LAMP1: variants seen among roughly 807,000 people sequenced by gnomAD.
LAMP1 encodes the protein lysosome associated membrane protein 1, also known as lysosome-associated membrane glycoprotein 1.
In LAMP1, 7 loss-of-function variants were observed where a neutral mutation model predicts 37.5. The observed-to-expected ratio is 0.19, with a 90% CI of 0.11 to 0.35. The LOEUF is 0.35. Among genes scored for constraint, LAMP1 ranks in the 10% least tolerant of loss-of-function variants. The pLI is 1.00. For synonymous variants in LAMP1, 236 were observed against 229.1 expected (o/e 1.03, Z -0.27); for missense variants, 537 against 552.8 (o/e 0.97, Z 0.29).
rs2042599876 is a variant in LAMP1, at chr13:113,306,618, C to T, written c.183+12C>T. 1.9e-6 allele frequency: 3 copies of T among 1,609,086 alleles called. No individual in the cohort carries two copies. Among genetic ancestry groups the T allele is most frequent in the Non-Finnish European group, 8.5e-7 (1 of 1,178,070 alleles). The stretch of plus-strand genomic sequence containing the variant: ...AGAGTGGCCCTAAGGTAGGAAACAC[C>T]AGGGCACTTCATGCTTCCCTTGTGT... On this transcript the variant is annotated intron_variant, in intron 2 of 8. Coordinates refer to ENST00000332556, the MANE Select transcript of LAMP1 (RefSeq NM_005561.4).
chr13:113,301,816 A>T (rs1485375209), intron 1 of LAMP1, among the ~76,000 whole-genome samples: 1 of 150,026 alleles, frequency 6.7e-6, no homozygotes, highest in African/African-American at 2.4e-5. Flanking sequence ...TAAAAATACC[A>T]TATTTAAAAG....
At position 113,315,247 on chromosome 13, in the gene LAMP1, A is replaced by G. The variant is rs1271675277; in HGVS notation, c.563-4222A>G. On this transcript the variant is annotated intron_variant, in intron 4 of 8. Transcript: ENST00000332556. ...GGCCTCCTGGAGGGAGCCAGTGCGG[A>G]GATGCCAGTGTGCCTGGGGCGGGGC... Among the ~76,000 whole-genome samples the G allele has an allele frequency of 2.7e-5, 4 of 147,876 alleles. No homozygotes were observed. The South Asian group carries it at 8.6e-4, about 32-fold the overall frequency.
Position 113,297,697 on chromosome 13 carries a change from G to C in LAMP1, c.61+202G>C, listed in dbSNP as rs2042550283. On this transcript the variant is annotated intron_variant, in intron 1 of 8. Coordinates refer to ENST00000332556, the MANE Select transcript of LAMP1 (RefSeq NM_005561.4). This position sits in a 1 kb window ranked among gnomAD's most constrained non-coding sequence, Gnocchi z 4.4. ...AGCGGAGCTCAATGGCAGGTGCTTG[G>C]GGGACCAGGAGGTCTCATCCCAGGA... Among the ~76,000 whole-genome samples, 1 of 152,226 alleles carries C rather than the reference G, an allele frequency of 6.6e-6. No homozygotes were observed. The highest frequency in any genetic ancestry group is 2.1e-4 in the South Asian group (1 of 4,828).
intron 2 of LAMP1, 109 bp downstream of exon 2, chr13:113,306,715 C>T: frequency 8.1e-7 from 1 of 1,233,230 alleles, no homozygotes; most frequent in Non-Finnish European, 1.1e-6. Context: ...TGGTGCTTTT[C>T]CTATCTGCAT....
chr13:113,321,793 G>A lies in LAMP1; in HGVS notation c.1114+66G>A, dbSNP rs956629390. On this transcript the variant is annotated intron_variant, in intron 8 of 8. Transcript: ENST00000332556. The surrounding 1 kb of genome is among the most constrained non-coding windows in gnomAD (Gnocchi z 5.6). ...CGTGCTTCAGACTCCGCCTGTGGAC[G>A]TTTAGTCGCTTCCGTGTGGGCTGGG... 3.4e-5 allele frequency: 52 copies of A among 1,509,228 alleles called. No individual in the cohort carries two copies. Among genetic ancestry groups the A allele is most frequent in the Admixed American group, 2.6e-4 (15 of 58,492 alleles). 93.5% of individuals were successfully genotyped at this position (1,509,228 alleles called of 1,614,324 possible). A position where few individuals can be genotyped will look rare whatever the true frequency, so the allele number is the denominator to read the frequency against.
Position 113,297,469 on chromosome 13 carries a change from T to A in LAMP1, c.35T>A (p.Leu12Gln). 8.1e-7 allele frequency: 1 copy of A among 1,230,898 alleles called. No individual in the cohort carries two copies. 76.2% of individuals were successfully genotyped at this position (1,230,898 alleles called of 1,614,324 possible). ...CCCGGCAGCGCCCGGCGACCCCTGC[T>A]GCTGCTACTGCTGTTGCTGCTGCTC... Reference protein sequence around the residue: ...AAPGSARRPLLLLLLLLLLGL... With the variant: ...AAPGSARRPLQLLLLLLLLGL... Residue 12 changes from leucine (L) to glutamine (Q), a missense_variant, in exon 1 of 9, where the codon CTG becomes CAG. Transcript: ENST00000332556. This position sits in a 1 kb window ranked among gnomAD's most constrained non-coding sequence, Gnocchi z 4.4.
Position 113,322,479 on chromosome 13 carries a change from G to A in LAMP1, c.*58G>A, listed in dbSNP as rs1443458677. 2.6e-6 allele frequency: 4 copies of A among 1,521,930 alleles called. No homozygotes were observed. In the African/African-American group the frequency reaches 5.6e-5, roughly 21 times the overall value. The allele number at this position is 1,521,930 out of a possible 1,614,324, so 94.3% of individuals were successfully genotyped here. On this transcript the variant is annotated 3_prime_UTR_variant, in exon 9 of 9. Transcript: ENST00000332556. The stretch of plus-strand genomic sequence containing the variant: ...CCTCTGTTCCTTTCTCTGGGCTTAG[G>A]GTCCTGTCGAAGGGGAGGCACACTT...
chr13:113,315,637 G>A (rs745838653), intron 4 of LAMP1, among the ~76,000 whole-genome samples: 1 of 151,518 alleles, frequency 6.6e-6, no homozygotes, highest in Non-Finnish European at 1.5e-5. Context: ...AAAGTGCTGG[G>A]ATTATAGGTG....
At chr13:113,302,175 T>C (rs1438059258) in intron 1 of LAMP1, among the ~76,000 whole-genome samples, 1 of 151,690 alleles carries the variant, frequency 6.6e-6, no homozygotes, top group Non-Finnish European at 1.5e-5. Flanking sequence ...AGATGTAATT[T>C]CTTAATAAAT....
Position 113,321,810 on chromosome 13 carries a change from T to G in LAMP1, c.1114+83T>G. 1.4e-6 allele frequency: 2 copies of G among 1,401,754 alleles called. No homozygotes were observed. The highest frequency in any genetic ancestry group is 4.6e-5 in the East Asian group (2 of 43,752). 86.8% of individuals were successfully genotyped at this position (1,401,754 alleles called of 1,614,324 possible). A position where few individuals can be genotyped will look rare whatever the true frequency, so the allele number is the denominator to read the frequency against. ...CTGTGGACGTTTAGTCGCTTCCGTG[T>G]GGGCTGGGGCGACGCCCCTGTTCCT... is the stretch of plus-strand genomic sequence containing the variant. On this transcript the variant is annotated intron_variant, in intron 8 of 8. Coordinates refer to ENST00000332556, the MANE Select transcript of LAMP1 (RefSeq NM_005561.4). This position sits in a 1 kb window ranked among gnomAD's most constrained non-coding sequence, Gnocchi z 5.6.
rs761359585 is a variant in LAMP1 at position 113,310,877 on chromosome 13, T to C, written c.562+10T>C. The C allele has an allele frequency of 6.2e-6, 10 of 1,612,010 alleles. No individual in the cohort carries two copies. Among genetic ancestry groups the C allele is most frequent in the Non-Finnish European group, 8.5e-6 (10 of 1,178,988 alleles). Reference sequence around the variant, plus strand: ...AGCTTCAGCCGGGGAGGTAGGACGCTGACCCTTGGCCCTCTGGTGCTAGTG... The same window carrying C: ...AGCTTCAGCCGGGGAGGTAGGACGCCGACCCTTGGCCCTCTGGTGCTAGTG... On this transcript the variant is annotated intron_variant, in intron 4 of 8. Transcript: ENST00000332556.
chr13:113,321,910 G>A lies in LAMP1; in HGVS notation c.1114+183G>A. The A allele has an allele frequency of 1.6e-6, 1 of 629,980 alleles. No homozygotes were observed. The highest frequency in any genetic ancestry group is 2.0e-5 in the South Asian group (1 of 50,538). 39.0% of individuals were successfully genotyped at this position (629,980 alleles called of 1,614,324 possible). On this transcript the variant is annotated intron_variant, in intron 8 of 8. Coordinates refer to ENST00000332556, the MANE Select transcript of LAMP1 (RefSeq NM_005561.4). The surrounding 1 kb of genome is among the most constrained non-coding windows in gnomAD (Gnocchi z 5.6). ...CCCCTGCTTTAGAGAGGCCCAGCGT[G>A]TCTCTCAGCTGGGAGCCCCTGGTAC...
In LAMP1 at chr13:113,319,880, G is replaced by A. The variant is rs949989359; in HGVS notation, c.750+224G>A. On this transcript the variant is annotated intron_variant, in intron 5 of 8. Coordinates refer to ENST00000332556, the MANE Select transcript of LAMP1 (RefSeq NM_005561.4). Reference sequence around the variant, plus strand: ...GCTGGTTCCATCATCCAAGGCTGGTGTCCCAGCATGGCCTATTGGGCAGTG... The same window carrying A: ...GCTGGTTCCATCATCCAAGGCTGGTATCCCAGCATGGCCTATTGGGCAGTG... Among the ~76,000 whole-genome samples, 6 of 152,262 alleles carry A rather than the reference G, an allele frequency of 3.9e-5. No homozygotes were observed. In the South Asian group the frequency reaches 8.3e-4, roughly 21 times the overall value.
rs540390642 is a variant in LAMP1 at position 113,312,683 on chromosome 13, G to T, written c.562+1816G>T. Among the ~76,000 whole-genome samples the T allele has an allele frequency of 2.6e-5, 4 of 152,316 alleles. No individual in the cohort carries two copies. In the South Asian group the frequency reaches 6.2e-4, roughly 24 times the overall value. On this transcript the variant is annotated intron_variant, in intron 4 of 8. Transcript: ENST00000332556. ...GGCCGTGGTGACAGCCGCTTTCCTG[G>T]TGCAGCCTCTGTTCACACGGAGCCT...
intron 4 of LAMP1, among the ~76,000 whole-genome samples, chr13:113,312,714 C>T (rs1218180154): frequency 1.3e-5 from 2 of 152,178 alleles, no homozygotes; most frequent in African/African-American, 2.4e-5. Context: ...AGCCTGGAGT[C>T]GTGTCTGCTT....
chr13:113,300,165 C>T (rs1376474126), intron 1 of LAMP1, among the ~76,000 whole-genome samples: 1 of 152,166 alleles, frequency 6.6e-6, no homozygotes, highest in Non-Finnish European at 1.5e-5. Flanking sequence ...ACTTGAACAA[C>T]TGTCACTTAG....
At chr13:113,301,645 AT>A (rs1183031795) in intron 1 of LAMP1, among the ~76,000 whole-genome samples, 53 of 768 alleles carry the variant, frequency 0.069, 4 homozygotes, top group African/African-American at 0.089. Context: ...AAAAAAAAAA[AT>A]ATATATATAT....
chr13:113,318,377 G>T (rs1208589562), intron 4 of LAMP1, among the ~76,000 whole-genome samples: 1 of 152,220 alleles, frequency 6.6e-6, no homozygotes, highest in Non-Finnish European at 1.5e-5. Context: ...GCCCACCCTG[G>T]ATATGTGGGG....
At position 113,321,039 on chromosome 13, in the gene LAMP1, G is replaced by A. The variant is rs2042696215; in HGVS notation, c.877-365G>A. On this transcript the variant is annotated intron_variant, in intron 6 of 8. Transcript: ENST00000332556. This position sits in a 1 kb window ranked among gnomAD's most constrained non-coding sequence, Gnocchi z 5.6. Reference sequence around the variant, plus strand: ...TGCAAATAATAAAACGAGTTAGCTGGGCGTAGTGGCGCACACCTGTGGTCC... The same window carrying A: ...TGCAAATAATAAAACGAGTTAGCTGAGCGTAGTGGCGCACACCTGTGGTCC... 3.3e-6 allele frequency: 1 copy of A among 300,930 alleles called. No homozygotes were observed. Among genetic ancestry groups the A allele is most frequent in the Non-Finnish European group, 6.4e-6 (1 of 156,596 alleles). The allele number at this position is 300,930 out of a possible 1,614,324, so 18.6% of individuals were successfully genotyped here.
Sources: allele counts gnomAD v4.1 joint callset (sites outside exome capture counted in the v4.1 genomes callset), GRCh38; gene constraint gnomAD v4.1.1; non-coding constraint Gnocchi (gnomAD v3.1); transcripts MANE v1.5; gene names NCBI Gene and HGNC (gene_info 2026-07-23, HGNC 2026-07-21).